The following ERO1B variants were observed in gnomAD, a reference collection of about 807,000 sequenced individuals.
The protein encoded by ERO1B is ERO1-like protein beta.
In ERO1B, 49 loss-of-function variants were observed where a neutral mutation model predicts 75.3. The observed-to-expected ratio is 0.65, with a 90% CI of 0.52 to 0.83. The LOEUF (loss-of-function observed/expected upper bound fraction) is 0.83. ERO1B is among the 40% of genes least tolerant of loss of function. The probability of loss-of-function intolerance (pLI) is 0.00; values close to 1 mark genes in which losing one functional copy is unlikely to be tolerated. For synonymous variants in ERO1B, 191 were observed against 192.9 expected, an observed-to-expected ratio of 0.99 and a Z score of 0.08; for missense variants, 512 against 560.1, an observed-to-expected ratio of 0.91 and a Z score of 0.87.
chr1:236,276,925 C>A (rs1310102983), intron 1 of ERO1B, among the ~76,000 whole-genome samples: 2 of 152,128 alleles, frequency 1.3e-5, no homozygotes, highest in African/African-American at 2.4e-5. Flanking sequence ...TGGGGGCGGA[C>A]TTCCCCCTTG....
At chr1:236,224,793 C>A (rs3820560) in intron 13 of ERO1B, among the ~76,000 whole-genome samples, 12,584 of 152,184 alleles carry the variant, frequency 0.083, 1,033 homozygotes, top group East Asian at 0.39. Flanking sequence ...ATATACACTG[C>A]TTTTAAACTA....
At chr1:236,241,539 T>C (rs1042134497) in intron 6 of ERO1B, among the ~76,000 whole-genome samples, 1 of 140,558 alleles carries the variant, frequency 7.1e-6, no homozygotes, top group Admixed American at 7.3e-5. Context: ...TGAGACTCCA[T>C]CTCAAAACAA....
chr1:236,254,769 C>T (rs1307181776), intron 2 of ERO1B, among the ~76,000 whole-genome samples: 7 of 151,984 alleles, frequency 4.6e-5, no homozygotes, highest in African/African-American at 1.2e-4. Context: ...TCCACCACCA[C>T]GCCTGGCTAA....
intron 1 of ERO1B, among the ~76,000 whole-genome samples, chr1:236,279,245 G>A (rs1369785985): frequency 6.6e-6 from 1 of 152,200 alleles, no homozygotes; most frequent in Non-Finnish European, 1.5e-5. Flanking sequence ...GCTCACGCCT[G>A]TAATCCCAGC....
At chr1:236,259,315 G>C (rs1308968932) in intron 2 of ERO1B, among the ~76,000 whole-genome samples, 1 of 152,078 alleles carries the variant, frequency 6.6e-6, no homozygotes, top group Admixed American at 6.6e-5. Context: ...AGCAAGAGAG[G>C]AGGAGAGAAC....
At chr1:236,228,249 A>T (rs139561721) in intron 10 of ERO1B, among the ~76,000 whole-genome samples, 1 of 152,210 alleles carries the variant, frequency 6.6e-6, no homozygotes, top group Admixed American at 6.5e-5. Context: ...TACCACTGCA[A>T]TGAGGTAGGG....
rs377584301 is a variant in ERO1B, at chr1:236,239,833, A to ATG, written c.506-3437_506-3436dup. 1.2e-4 allele frequency among the ~76,000 whole-genome samples: 10 copies of ATG among 80,500 alleles called. No homozygotes were observed. The East Asian group carries it at 2.7e-3, about 22-fold the overall frequency. 52.8% of individuals were successfully genotyped at this position (80,500 alleles called of 152,430 possible). A position where few individuals can be genotyped will look rare whatever the true frequency, so the allele number is the denominator to read the frequency against. On this transcript the variant is annotated intron_variant, in intron 6 of 15. Coordinates refer to ENST00000354619, the MANE Select transcript of ERO1B (RefSeq NM_019891.4). ...TGTGTATATATATATGTGTATATAT[A>ATG]TGTGTATATATATATGTGTATATAT...
chr1:236,280,328 AT>A (rs1435744408), intron 1 of ERO1B, among the ~76,000 whole-genome samples: 2 of 152,244 alleles, frequency 1.3e-5, no homozygotes, highest in Non-Finnish European at 2.9e-5. Context: ...CTAGAAAATA[AT>A]TTTGCCAAAG....
chr1:236,251,595 C>T (rs1359378855), intron 4 of ERO1B, among the ~76,000 whole-genome samples: 2 of 152,090 alleles, frequency 1.3e-5, no homozygotes, highest in African/African-American at 2.4e-5. Flanking sequence ...TCTCTAAAAA[C>T]ATATCAATGG....
rs140719046 is a variant in ERO1B, at chr1:236,258,643, T to C, written c.223-5138A>G. On this transcript the variant is annotated intron_variant, in intron 2 of 15. Coordinates refer to ENST00000354619, the MANE Select transcript of ERO1B (RefSeq NM_019891.4). ...GGCTTACACCTGTAATCCCAACAAC[T>C]TGGGAGGCCGAAGCGGGTGGATCAC... Among the ~76,000 whole-genome samples the C allele has an allele frequency of 3.3e-4, 51 of 152,248 alleles. No individual in the cohort carries two copies. The East Asian group carries it at 8.9e-3, about 27-fold the overall frequency.
intron 15 of ERO1B, among the ~76,000 whole-genome samples, chr1:236,220,000 G>C (rs1054733918): frequency 2.9e-5 from 4 of 137,176 alleles, no homozygotes; most frequent in African/African-American, 1.1e-4. Context: ...TTCCAGCCTG[G>C]ATGACAGAGC....
At chr1:236,220,696 C>CT (rs1455797441) in intron 15 of ERO1B, 136 bp downstream of exon 15, 2 of 826,684 alleles carry the variant, frequency 2.4e-6, no homozygotes, top group Admixed American at 6.2e-5. Flanking sequence ...TAAGGCCTCT[C>CT]TAAGTTAGTA....
chr1:236,277,359 G>A (rs187651225), intron 1 of ERO1B, among the ~76,000 whole-genome samples: 4 of 150,638 alleles, frequency 2.7e-5, no homozygotes, highest in South Asian at 2.1e-4. Context: ...AACTGAGATC[G>A]AGCCACTGCT....
chr1:236,281,748 C>CT lies in ERO1B; in HGVS notation c.35dup (p.Val14GlyfsTer28), dbSNP rs1296541531. On this transcript the variant is annotated frameshift_variant, in exon 1 of 16. Transcript: ENST00000354619. LOFTEE classifies it high-confidence loss of function. ...GCAGCTGCACCGCGGCCGCTACCCC[C>CT]TGCCCAGCGCCTGCCCGGCGGACCC... The CT allele has an allele frequency of 1.1e-5, 16 of 1,517,484 alleles. No individual in the cohort carries two copies. The highest frequency in any genetic ancestry group is 1.4e-5 in the Non-Finnish European group (16 of 1,136,256). 94.0% of individuals were successfully genotyped at this position (1,517,484 alleles called of 1,614,324 possible).
At chr1:236,253,595 G>A (rs1665091888) in intron 2 of ERO1B, 90 bp from the exon 3 acceptor site, 4 of 809,296 alleles carry the variant, frequency 4.9e-6, no homozygotes, top group Middle Eastern at 2.3e-4. Context: ...TGACATGGTG[G>A]TGAATAAGAA....
intron 1 of ERO1B, among the ~76,000 whole-genome samples, chr1:236,271,830 G>GT (rs1483093988): frequency 1.3e-5 from 2 of 151,868 alleles, no homozygotes; most frequent in Non-Finnish European, 2.9e-5. Flanking sequence ...ATATGCTTGA[G>GT]TTTTTTTGTT....
At chr1:236,239,857 A>ATATG (rs771310245) in intron 6 of ERO1B, among the ~76,000 whole-genome samples, 13,259 of 37,640 alleles carry the variant, frequency 0.35, 3,305 homozygotes, top group Non-Finnish European at 0.43. Flanking sequence ...ATGTGTATAT[A>ATATG]TGTATATATA....
At chr1:236,246,912 TCAA>T (rs774005241) in intron 5 of ERO1B, among the ~76,000 whole-genome samples, 24 of 152,238 alleles carry the variant, frequency 1.6e-4, no homozygotes, top group Non-Finnish European at 2.5e-4. Context: ...TAATTTCTGT[TCAA>T]CAACAAAAAA....
At position 236,226,499 on chromosome 1, in the gene ERO1B, G is replaced by A; in HGVS notation, c.822C>T (p.Pro274=). The A allele has an allele frequency of 1.9e-6, 3 of 1,612,364 alleles. No individual in the cohort carries two copies. Among genetic ancestry groups the A allele is most frequent in the Non-Finnish European group, 2.5e-6 (3 of 1,179,644 alleles). The part of the protein sequence containing the change: ...NYLLEETWGK[P]SWGPNIKEFK... ...ATTCTTTAATATTAGGTCCCCAACTGGGCTTACCCCAGGTTTCTAAAGAGA... is the reference window on the plus strand; with the variant it reads ...ATTCTTTAATATTAGGTCCCCAACTAGGCTTACCCCAGGTTTCTAAAGAGA... Residue 274 remains proline, a synonymous_variant, in exon 12 of 16, where the codon CCC becomes CCT. Coordinates refer to ENST00000354619, the MANE Select transcript of ERO1B (RefSeq NM_019891.4).
Sources: allele counts gnomAD v4.1 joint callset (sites outside exome capture counted in the v4.1 genomes callset), GRCh38; gene constraint gnomAD v4.1.1; transcripts MANE v1.5; gene names NCBI Gene and HGNC (gene_info 2026-07-23, HGNC 2026-07-21).